Variants in MSRB2 observed in about 807,000 individuals in gnomAD.
The protein encoded by MSRB2 is methionine sulfoxide reductase B2, also known as methionine-R-sulfoxide reductase B2, mitochondrial.
Under a neutral mutation model 19.0 loss-of-function variants are expected in MSRB2, and 17 were observed. The ratio of observed to expected loss-of-function variants is 0.89; its 90% CI spans 0.61 to 1.34. The LOEUF (loss-of-function observed/expected upper bound fraction) is 1.34. MSRB2 is among the 40% of genes most tolerant of loss of function. MSRB2 has a pLI of 0.00. For missense variants in MSRB2, 208 were observed against 237.6 expected (o/e 0.88, Z 0.82); for synonymous variants, 107 against 99.7 (o/e 1.07, Z -0.44).
At chr10:23,104,638 T>C (rs61244168) in intron 2 of MSRB2, among the ~76,000 whole-genome samples, 28,385 of 152,092 alleles carry the variant, frequency 0.19, 3,112 homozygotes, top group South Asian at 0.26. Flanking sequence ...AAACCTTTGG[T>C]GGCTGCCCAG....
chr10:23,096,707 T>G (rs1807120611), intron 1 of MSRB2, among the ~76,000 whole-genome samples: 1 of 152,248 alleles, frequency 6.6e-6, no homozygotes, highest in African/African-American at 2.4e-5. Flanking sequence ...TTGTGGAATG[T>G]TAGCTCATCC....
At chr10:23,118,340 T>G (rs1840138173) in intron 3 of MSRB2, among the ~76,000 whole-genome samples, 1 of 146,362 alleles carries the variant, frequency 6.8e-6, no homozygotes, top group Non-Finnish European at 1.5e-5. Flanking sequence ...GTTTTTTGTT[T>G]TTTTTTTTTT....
At chr10:23,117,645 C>G (rs1840126323) in intron 3 of MSRB2, among the ~76,000 whole-genome samples, 1 of 152,234 alleles carries the variant, frequency 6.6e-6, no homozygotes, top group African/African-American at 2.4e-5. Flanking sequence ...GAGTCTCGCT[C>G]TGTTGACTGA....
At chr10:23,101,906 C>A (rs1435037367) in intron 1 of MSRB2, among the ~76,000 whole-genome samples, 1 of 152,162 alleles carries the variant, frequency 6.6e-6, no homozygotes, top group Admixed American at 6.5e-5. Context: ...TCATCCGGAT[C>A]CCCCTGGTAA....
At chr10:23,100,892 G>A (rs935921771) in intron 1 of MSRB2, among the ~76,000 whole-genome samples, 1 of 152,184 alleles carries the variant, frequency 6.6e-6, no homozygotes, top group Non-Finnish European at 1.5e-5. Flanking sequence ...GTAGCCAGAA[G>A]GTTTGTGGCT....
intron 1 of MSRB2, among the ~76,000 whole-genome samples, 174 bp from the exon 2 acceptor site, chr10:23,103,970 A>G (rs1463565475): frequency 6.6e-6 from 1 of 152,212 alleles, no homozygotes; most frequent in Non-Finnish European, 1.5e-5. Context: ...ATAGTCAATG[A>G]AGGCATTTTG....
intron 2 of MSRB2, among the ~76,000 whole-genome samples, chr10:23,104,505 G>A (rs1306736664): frequency 6.6e-6 from 1 of 152,018 alleles, no homozygotes; most frequent in Non-Finnish European, 1.5e-5. Flanking sequence ...ACCTCCCCGT[G>A]GGGCCAAGTC....
At chr10:23,119,498 G>A in intron 4 of MSRB2, 47 bp downstream of exon 4, 1 of 1,592,590 alleles carries the variant, frequency 6.3e-7, no homozygotes, top group South Asian at 1.1e-5. Context: ...TGCCCCCAAT[G>A]CCACAAAGAG....
chr10:23,119,433 A>G lies in MSRB2; in HGVS notation c.426A>G (p.Thr142=), dbSNP rs1840156655. 1 of 1,613,614 alleles carries G rather than the reference A, an allele frequency of 6.2e-7. No individual in the cohort carries two copies. The highest frequency in any genetic ancestry group is 2.2e-5 in the East Asian group (1 of 44,856). The change falls in exon 4 of 5, where the codon ACA becomes ACG. Residue 142 remains threonine (T), a synonymous_variant. Coordinates refer to ENST00000376510, the MANE Select transcript of MSRB2 (RefSeq NM_012228.4). ...RLDTSLGSAR[T]EVVCKQCEAH... is the part of the protein sequence containing the mutation. ...ATACCTCGTTAGGATCAGCTCGCAC[A>G]GAGGTTGTCTGCAAGCAGGTGAGGT... is the stretch of plus-strand genomic sequence containing the variant.
chr10:23,110,239 C>A lies in MSRB2; in HGVS notation c.220-3C>A. On this transcript the variant is annotated splice_polypyrimidine_tract_variant and splice_region_variant and intron_variant, in intron 2 of 4. Transcript: ENST00000376510. ...GAACATGACATATCTAATTTACTTT[C>A]AGCCTTTCAGTGGGATCTACCTGAA... is the stretch of plus-strand genomic sequence containing the variant. 1.2e-6 allele frequency: 2 copies of A among 1,612,072 alleles called. No homozygotes were observed. Among genetic ancestry groups the A allele is most frequent in the South Asian group, 1.1e-5 (1 of 90,878 alleles).
intron 1 of MSRB2, among the ~76,000 whole-genome samples, chr10:23,097,155 ATACT>A (rs754070291): frequency 2.0e-5 from 3 of 152,364 alleles, no homozygotes; most frequent in Middle Eastern, 3.4e-3. Flanking sequence ...CAGTTAAGAA[ATACT>A]TACGTAAATC....
At chr10:23,109,272 G>A (rs766720187) in intron 2 of MSRB2, among the ~76,000 whole-genome samples, 16 of 152,234 alleles carry the variant, frequency 1.1e-4, no homozygotes, top group Non-Finnish European at 2.2e-4. Context: ...GTCATCAGCC[G>A]GGTGCAGTGG....
intron 1 of MSRB2, among the ~76,000 whole-genome samples, chr10:23,103,791 A>ACT (rs1839954004): frequency 6.6e-6 from 1 of 152,192 alleles, no homozygotes; most frequent in African/African-American, 2.4e-5. Context: ...TCTGACAGCA[A>ACT]CTGCTCCTCT....
At chr10:23,103,999 C>A (rs946454864) in intron 1 of MSRB2, 145 bp from the exon 2 acceptor site, 12 of 515,664 alleles carry the variant, frequency 2.3e-5, no homozygotes, top group Middle Eastern at 2.9e-4. Context: ...CCTTCTGGTC[C>A]CCATGAAGAA....
At chr10:23,108,657 G>C (rs928453794) in intron 2 of MSRB2, among the ~76,000 whole-genome samples, 1 of 151,676 alleles carries the variant, frequency 6.6e-6, no homozygotes, top group Non-Finnish European at 1.5e-5. Flanking sequence ...TGCATTTTTA[G>C]TAGAGATGGG....
At chr10:23,111,567 AAG>A (rs1723913472) in intron 3 of MSRB2, among the ~76,000 whole-genome samples, 1 of 152,160 alleles carries the variant, frequency 6.6e-6, no homozygotes, top group Non-Finnish European at 1.5e-5. Flanking sequence ...GCATCTGAAA[AAG>A]GGGGGGACTT....
chr10:23,104,293 G>A, intron 2 of MSRB2, 49 bp downstream of exon 2: 7 of 1,531,744 alleles, frequency 4.6e-6, no homozygotes, highest in Non-Finnish European at 6.3e-6. Context: ...TTGGCAGTGA[G>A]GGGCCAGTTG....
chr10:23,100,633 G>T lies in MSRB2; in HGVS notation c.119-3511G>T, dbSNP rs532152267. On this transcript the variant is annotated intron_variant, in intron 1 of 4. Coordinates refer to ENST00000376510, the MANE Select transcript of MSRB2 (RefSeq NM_012228.4). ...GGTCAGAGCAGGAGGAAGAGAGAGA[G>T]GGGGAGGTGAACTTTTAAACAACCA... Among the ~76,000 whole-genome samples, 11 of 152,238 alleles carry T rather than the reference G, an allele frequency of 7.2e-5. No homozygotes were observed. In the East Asian group the frequency reaches 2.1e-3, roughly 29 times the overall value.
intron 1 of MSRB2, among the ~76,000 whole-genome samples, chr10:23,097,915 A>T (rs1191190428): frequency 6.6e-6 from 1 of 152,140 alleles, no homozygotes; most frequent in Non-Finnish European, 1.5e-5. Context: ...GGAGGGGGGA[A>T]ATGAGAAGAT....
Sources: allele counts gnomAD v4.1 joint callset (sites outside exome capture counted in the v4.1 genomes callset), GRCh38; gene constraint gnomAD v4.1.1; transcripts MANE v1.5; gene names NCBI Gene and HGNC (gene_info 2026-07-23, HGNC 2026-07-21).